PCNX3: variants seen among roughly 807,000 people sequenced by gnomAD.
The protein encoded by PCNX3 is pecanex-like protein 3.
A neutral mutation model predicts 207.2 loss-of-function variants in PCNX3; 58 were observed. The observed-to-expected ratio is 0.28, with a 90% CI of 0.23 to 0.35. The LOEUF (loss-of-function observed/expected upper bound fraction) is 0.35, where lower values mean the gene tolerates loss of function less well. PCNX3 is among the 10% of genes least tolerant of loss of function. The pLI, the probability that PCNX3 is intolerant of heterozygous loss-of-function variation, is 1.00. For synonymous variants in PCNX3, 1,337 were observed against 1,183.5 expected (o/e 1.13, Z -2.66); for missense variants, 2,410 against 2,774.4 (o/e 0.87, Z 2.95).
rs1023905120 is a variant in PCNX3 at position 65,618,563 on chromosome 11, C to T, written c.1201C>T (p.His401Tyr). Reference sequence around the variant, plus strand: ...CAAACGGCAGCCACCCCTGCGAAGACACTCTCCACCTGGCCGTGCCCCTCG... The same window carrying T: ...CAAACGGCAGCCACCCCTGCGAAGATACTCTCCACCTGGCCGTGCCCCTCG... ...PSKRQPPLRR[H>Y]SPPGRAPRRP... The change falls in exon 6 of 35, where the codon CAC becomes TAC. Residue 401 changes from histidine to tyrosine, a missense_variant. Coordinates refer to ENST00000355703, the MANE Select transcript of PCNX3 (RefSeq NM_032223.4). 2.5e-6 allele frequency: 4 copies of T among 1,611,750 alleles called. No homozygotes were observed. The South Asian group carries it at 4.4e-5, about 18-fold the overall frequency.
intron 7 of PCNX3, 25 bp downstream of exon 7, chr11:65,619,685 A>T (rs758609508): frequency 1.3e-6 from 2 of 1,583,538 alleles, no homozygotes; most frequent in Non-Finnish European, 1.7e-6. Context: ...AGCTGTGCCG[A>T]GGGGCACCGG....
intron 12 of PCNX3, 22 bp downstream of exon 12, chr11:65,623,666 T>G: frequency 6.2e-7 from 1 of 1,606,572 alleles, no homozygotes; most frequent in Non-Finnish European, 8.5e-7. Context: ...CTCTCTGTGT[T>G]TCCTTCCCCA....
intron 27 of PCNX3, 104 bp from the exon 28 acceptor site, chr11:65,634,022 C>T (rs533853419): frequency 2.8e-5 from 30 of 1,074,282 alleles, no homozygotes; most frequent in Admixed American, 1.2e-4. Flanking sequence ...TCCCAGAAAG[C>T]GGACTTCAGC....
rs1855573490 is a variant in PCNX3 at position 65,630,457 on chromosome 11, C to T, written c.4323C>T (p.Phe1441=). The change falls in exon 27 of 35, where the codon TTC becomes TTT. Residue 1441 remains phenylalanine, a synonymous_variant. Transcript: ENST00000355703. Reference sequence around the variant, plus strand: ...GCCACCTGCCACGGGTCCTGTCCTTCAATGCTGCCTTTGGGCAGCGCTGGC... The same window carrying T: ...GCCACCTGCCACGGGTCCTGTCCTTTAATGCTGCCTTTGGGCAGCGCTGGC... ...EPGHLPRVLS[F]NAAFGQRWLA... The T allele has an allele frequency of 2.5e-6, 4 of 1,613,574 alleles. No individual in the cohort carries two copies. Among genetic ancestry groups the T allele is most frequent in the Non-Finnish European group, 3.4e-6 (4 of 1,179,904 alleles).
chr11:65,633,714 G>T (rs1855710532), intron 27 of PCNX3, among the ~76,000 whole-genome samples: 1 of 152,202 alleles, frequency 6.6e-6, no homozygotes. Flanking sequence ...CAGGGTTCAG[G>T]GCAGGTGGGG....
In PCNX3 at chr11:65,618,599, C is replaced by T; in HGVS notation, c.1237C>T (p.Leu413Phe). The T allele has an allele frequency of 6.2e-7, 1 of 1,612,428 alleles. No individual in the cohort carries two copies. The highest frequency in any genetic ancestry group is 1.7e-5 in the Admixed American group (1 of 60,012). Reference protein sequence around the residue: ...PPGRAPRRPLLEGGGFFEDED... With the variant: ...PPGRAPRRPLFEGGGFFEDED... ...TGGCCGTGCCCCTCGACGGCCCCTG[C>T]TTGAAGGTGGGGGCTTCTTTGAGGA... is the stretch of plus-strand genomic sequence containing the variant. The change falls in exon 6 of 35, where the codon CTT (leucine) becomes TTT (phenylalanine). Residue 413 changes from leucine (L) to phenylalanine (F), a missense_variant. Around this residue, in one of 8 missense-constraint regions of PCNX3, gnomAD observed 1,104 missense variants for 970.3 expected, o/e 1.14. Transcript: ENST00000355703.
In PCNX3 at chr11:65,629,338, T is replaced by C. The variant is rs754794247; in HGVS notation, c.3942-19T>C. ...TTCACCTTCTTGGCCAACCGCCTTG[T>C]TGCACTCTCTCTGAACAGCACTAAA... On this transcript the variant is annotated intron_variant, in intron 24 of 34. Coordinates refer to ENST00000355703, the MANE Select transcript of PCNX3 (RefSeq NM_032223.4). The C allele has an allele frequency of 1.6e-5, 26 of 1,606,792 alleles. No individual in the cohort carries two copies. The Admixed American group carries it at 2.0e-4, about 13-fold the overall frequency.
chr11:65,629,439 G>C, intron 25 of PCNX3, 24 bp downstream of exon 25: 2 of 1,611,650 alleles, frequency 1.2e-6, no homozygotes, highest in Non-Finnish European at 1.7e-6. Context: ...CATCCAAGGG[G>C]CTTTAGGGCA....
In PCNX3 at chr11:65,616,081, C is replaced by T. The variant is rs1358259442; in HGVS notation, c.-231C>T. On this transcript the variant is annotated 5_prime_UTR_variant, in exon 1 of 35. Coordinates refer to ENST00000355703, the MANE Select transcript of PCNX3 (RefSeq NM_032223.4). ...CCAGGAGTGGGGACCCGGACCCCGC[C>T]CCTGATGCAGCCCCACCCCCGCGTC... The T allele has an allele frequency of 6.0e-6, 2 of 332,156 alleles. No individual in the cohort carries two copies. The highest frequency in any genetic ancestry group is 4.3e-5 in the African/African-American group (2 of 46,278). The allele number at this position is 332,156 out of a possible 1,614,324, so 20.6% of individuals were successfully genotyped here. A position where few individuals can be genotyped will look rare whatever the true frequency, so the allele number is the denominator to read the frequency against.
At position 65,616,198 on chromosome 11, in the gene PCNX3, T is replaced by C. The variant is rs2135388396; in HGVS notation, c.-114T>C. ...CCCCCTCCCCCGCTGGGGGAGGCCA[T>C]GGCGTGAGCGTGAGGCCGGGCCCCG... is the stretch of plus-strand genomic sequence containing the variant. On this transcript the variant is annotated 5_prime_UTR_variant, in exon 1 of 35. The change abolishes an upstream ATG in the 5' untranslated region. Coordinates refer to ENST00000355703, the MANE Select transcript of PCNX3 (RefSeq NM_032223.4). 1.2e-6 allele frequency: 1 copy of C among 826,946 alleles called. No individual in the cohort carries two copies. The highest frequency in any genetic ancestry group is 3.5e-5 in the East Asian group (1 of 28,956). The allele number at this position is 826,946 out of a possible 1,614,324, so 51.2% of individuals were successfully genotyped here. A position where few individuals can be genotyped will look rare whatever the true frequency, so the allele number is the denominator to read the frequency against.
intron 2 of PCNX3, 59 bp from the exon 3 acceptor site, chr11:65,617,191 G>A (rs1165657471): frequency 2.7e-6 from 4 of 1,481,280 alleles, no homozygotes; most frequent in African/African-American, 2.8e-5. Flanking sequence ...AAAGATGGGA[G>A]GAAGTAGCAT....
In PCNX3 at chr11:65,623,561, C is replaced by T. The variant is rs1565160452; in HGVS notation, c.2428C>T (p.Leu810=). Residue 810 remains leucine (L), a synonymous_variant, in exon 12 of 35, where the codon CTG becomes TTG. Coordinates refer to ENST00000355703, the MANE Select transcript of PCNX3 (RefSeq NM_032223.4). ...SSLVAFLGYL[L]LLKGFFTDIW... ...CCTTGTGGCCTTCCTGGGCTACCTG[C>T]TGCTGCTCAAGGGCTTCTTCACTGA... 6 of 1,613,966 alleles carry T rather than the reference C, an allele frequency of 3.7e-6. No homozygotes were observed. Among genetic ancestry groups the T allele is most frequent in the Middle Eastern group, 1.7e-4 (1 of 6,060 alleles).
rs951251424 is a variant in PCNX3 at position 65,637,259 on chromosome 11, G to T, written c.*281G>T. On this transcript the variant is annotated 3_prime_UTR_variant, in exon 35 of 35. Transcript: ENST00000355703. ...CATGGGCTGGTCCCACTTGGAGCCTGTGGCCAGGACCACCTCAGCCCCTGG... is the reference window on the plus strand; with the variant it reads ...CATGGGCTGGTCCCACTTGGAGCCTTTGGCCAGGACCACCTCAGCCCCTGG... 2.7e-5 allele frequency: 13 copies of T among 486,926 alleles called. No individual in the cohort carries two copies. Among genetic ancestry groups the T allele is most frequent in the Non-Finnish European group, 4.5e-5 (12 of 269,476 alleles). 30.2% of individuals were successfully genotyped at this position (486,926 alleles called of 1,614,324 possible).
At chr11:65,633,309 G>T (rs1314581690) in intron 27 of PCNX3, among the ~76,000 whole-genome samples, 1 of 152,206 alleles carries the variant, frequency 6.6e-6, no homozygotes, top group East Asian at 1.9e-4. Context: ...TTAACAAGAG[G>T]TCCAGGAGCC....
In PCNX3 at chr11:65,619,847, C is replaced by T. The variant is rs1217091864; in HGVS notation, c.1923C>T (p.Leu641=). 2 of 1,609,088 alleles carry T rather than the reference C, an allele frequency of 1.2e-6. No homozygotes were observed. The highest frequency in any genetic ancestry group is 1.7e-5 in the Admixed American group (1 of 59,856). The change falls in exon 8 of 35, where the codon CTC becomes CTT. Residue 641 remains leucine (L), a synonymous_variant. Coordinates refer to ENST00000355703, the MANE Select transcript of PCNX3 (RefSeq NM_032223.4). The part of the protein sequence containing the change: ...SALHFASSLL[L]TRAGANVHEA... ...TGCATTTCGCCTCTTCACTGTTGCT[C>T]ACCCGGGCCGGTGCCAATGTGCATG...
At chr11:65,634,837 C>T (rs1457680569) in intron 29 of PCNX3, 136 bp from the exon 30 acceptor site, 11 of 1,306,266 alleles carry the variant, frequency 8.4e-6, no homozygotes, top group Non-Finnish European at 1.1e-5. Flanking sequence ...GAGACATGGG[C>T]AGAGATTGGC....
chr11:65,617,376 C>T lies in PCNX3; in HGVS notation c.441+27C>T, dbSNP rs115523011. ...TGAGTGGGCCTGGACCTCAGCTTGT[C>T]CTCCTGTCCCTCTGCGAGCCAGTCC... is the stretch of plus-strand genomic sequence containing the variant. On this transcript the variant is annotated intron_variant, in intron 3 of 34. Coordinates refer to ENST00000355703, the MANE Select transcript of PCNX3 (RefSeq NM_032223.4). 2,481 of 1,613,222 alleles carry T rather than the reference C, an allele frequency of 1.5e-3. 33 individuals are homozygous for T. The African/African-American group carries it at 0.03, about 19-fold the overall frequency.
intron 27 of PCNX3, among the ~76,000 whole-genome samples, chr11:65,633,416 C>G (rs1049873479): frequency 3.3e-5 from 5 of 152,158 alleles, no homozygotes; most frequent in African/African-American, 9.7e-5. Context: ...GTGACCCAGG[C>G]ACTCTGAGGC....
Position 65,626,921 on chromosome 11 carries a change from T to A in PCNX3, c.3397T>A (p.Trp1133Arg). Reference protein sequence around the residue: ...YEVRGAAQVMWFEKLYAGLQC... With the variant: ...YEVRGAAQVMRFEKLYAGLQC... ...CCACACAGGTGCCGCCCAGGTGATG[T>A]GGTTTGAGAAGCTGTATGCTGGCCT... Residue 1133 changes from tryptophan to arginine, a missense_variant, in exon 21 of 35, where the codon TGG becomes AGG. Trp to Arg is a moderately radical substitution (Grantham distance 101). Transcript: ENST00000355703. The A allele has an allele frequency of 6.3e-7, 1 of 1,586,506 alleles. No homozygotes were observed.
Sources: gnomAD v4.1 joint callset for allele counts (sites outside exome capture counted in the v4.1 genomes callset) on GRCh38, gnomAD v4.1.1 for gene constraint, gnomAD v4.1.1 regional missense constraint, MANE v1.5 for transcripts, NCBI Gene and HGNC (gene_info 2026-07-23, HGNC 2026-07-21) for gene names.